PPARGC1A: variants seen among roughly 807,000 people sequenced by gnomAD.
PPARGC1A encodes the protein PPARG coactivator 1 alpha.
PPARGC1A carries 25 observed loss-of-function variants against 88.7 expected under a neutral mutation model. That is an observed-to-expected ratio of 0.28 (90% CI 0.21 to 0.39). PPARGC1A has a LOEUF of 0.39. PPARGC1A is among the 10% of genes least tolerant of loss of function. The probability of loss-of-function intolerance (pLI) is 1.00; values close to 1 mark genes in which losing one functional copy is unlikely to be tolerated. For missense variants in PPARGC1A, 880 were observed against 968.7 expected (o/e 0.91, Z 1.22); for synonymous variants, 363 against 355.6 (o/e 1.02, Z -0.24).
chr4:24,239,914 A>G, the PPARGC1A span, among the ~76,000 whole-genome samples: 1 of 151,946 alleles, frequency 6.6e-6, no homozygotes, highest in South Asian at 2.1e-4. Flanking sequence ...TGTCTCGCTT[A>G]TTCTCTCTCT....
At chr4:24,267,164 T>C in the PPARGC1A span, among the ~76,000 whole-genome samples, 2 of 152,202 alleles carry the variant, frequency 1.3e-5, no homozygotes, top group Non-Finnish European at 2.9e-5. Context: ...GCAACATTTC[T>C]CAACATTCCA....
the PPARGC1A span, among the ~76,000 whole-genome samples, chr4:23,956,804 G>A: frequency 1.3e-5 from 2 of 152,030 alleles, no homozygotes; most frequent in Admixed American, 1.3e-4. Context: ...ACCAAACCAA[G>A]CTTGCCAATT....
chr4:24,439,819 T>C, the PPARGC1A span, among the ~76,000 whole-genome samples: 46 of 152,336 alleles, frequency 3.0e-4, no homozygotes, highest in South Asian at 2.1e-4. Context: ...TCTGGGGTTC[T>C]AGGCTTGGAT....
At chr4:24,259,473 C>G in the PPARGC1A span, among the ~76,000 whole-genome samples, 1 of 152,176 alleles carries the variant, frequency 6.6e-6, no homozygotes, top group Admixed American at 6.5e-5. Flanking sequence ...TGCCACAGAA[C>G]GACATTTCAG....
the PPARGC1A span, among the ~76,000 whole-genome samples, chr4:24,021,449 G>A: frequency 1.3e-5 from 2 of 152,254 alleles, no homozygotes; most frequent in African/African-American, 4.8e-5. Context: ...TCTCAGCCAG[G>A]TACCAAGTAA....
chr4:24,124,900 GGAAAACACAA>G, the PPARGC1A span, among the ~76,000 whole-genome samples: 1 of 152,160 alleles, frequency 6.6e-6, no homozygotes, highest in South Asian at 2.1e-4. Context: ...TCAGATTTAT[GGAAAACACAA>G]GAGAGCACAA....
chr4:24,291,188 A>C, the PPARGC1A span, among the ~76,000 whole-genome samples: 1 of 152,138 alleles, frequency 6.6e-6, no homozygotes, highest in Non-Finnish European at 1.5e-5. Flanking sequence ...CACTCCTTTA[A>C]GAAGTGAGTC....
the PPARGC1A span, among the ~76,000 whole-genome samples, chr4:24,388,559 TG>T: frequency 6.6e-6 from 1 of 152,264 alleles, no homozygotes; most frequent in East Asian, 1.9e-4. Context: ...AGCAAAAACT[TG>T]GAACCAACCC....
chr4:24,111,654 C>A, the PPARGC1A span, among the ~76,000 whole-genome samples: 2 of 152,162 alleles, frequency 1.3e-5, no homozygotes, highest in Non-Finnish European at 2.9e-5. Context: ...GTAGTAACAG[C>A]CGCAATAACT....
the PPARGC1A span, among the ~76,000 whole-genome samples, chr4:24,305,640 C>G: frequency 6.6e-6 from 1 of 152,048 alleles, no homozygotes; most frequent in Non-Finnish European, 1.5e-5. Context: ...TGGAGACACC[C>G]TATCTCTACT....
At chr4:23,872,946 T>C (rs967882195) in intron 2 of PPARGC1A, among the ~76,000 whole-genome samples, 1 of 152,078 alleles carries the variant, frequency 6.6e-6, no homozygotes, top group Admixed American at 6.5e-5. Flanking sequence ...AATCCCGCAC[T>C]TCGGGAGGCC....
At chr4:23,810,729 T>C (rs976276253) in intron 10 of PPARGC1A, among the ~76,000 whole-genome samples, 1 of 152,184 alleles carries the variant, frequency 6.6e-6, no homozygotes, top group African/African-American at 2.4e-5. Flanking sequence ...TAATGTCCTA[T>C]TTTTGGGGGA....
chr4:24,254,455 G>A, the PPARGC1A span, among the ~76,000 whole-genome samples: 4 of 152,128 alleles, frequency 2.6e-5, no homozygotes, highest in East Asian at 1.9e-4. Flanking sequence ...TCAGGTTGCT[G>A]TTCAACCATT....
At chr4:23,879,325 C>T (rs1011633529) in intron 2 of PPARGC1A, among the ~76,000 whole-genome samples, 1 of 152,008 alleles carries the variant, frequency 6.6e-6, no homozygotes, top group Non-Finnish European at 1.5e-5. Context: ...TCCAAGGAGA[C>T]AAGTGAAAAA....
At chr4:23,921,732 C>T in the PPARGC1A span, among the ~76,000 whole-genome samples, 1 of 152,150 alleles carries the variant, frequency 6.6e-6, no homozygotes, top group South Asian at 2.1e-4. Flanking sequence ...GTGCATACTT[C>T]GTGGATTAGT....
chr4:23,877,235 G>A (rs1460958154), intron 2 of PPARGC1A, among the ~76,000 whole-genome samples: 1 of 151,874 alleles, frequency 6.6e-6, no homozygotes, highest in Non-Finnish European at 1.5e-5. Flanking sequence ...GTTAAAAGGA[G>A]GCCGGGTGCA....
At chr4:23,994,674 T>C in the PPARGC1A span, among the ~76,000 whole-genome samples, 4 of 151,994 alleles carry the variant, frequency 2.6e-5, no homozygotes, top group African/African-American at 2.4e-5. Context: ...GAAGGAAGGA[T>C]ACAAGAGGCA....
the PPARGC1A span, among the ~76,000 whole-genome samples, chr4:24,412,522 C>A: frequency 5.0e-4 from 76 of 152,182 alleles, no homozygotes; most frequent in African/African-American, 1.8e-3. Context: ...CTCTTGTTGC[C>A]CATGCTGGAG....
chr4:24,274,102 A>C, the PPARGC1A span, among the ~76,000 whole-genome samples: 1 of 152,012 alleles, frequency 6.6e-6, no homozygotes, highest in Admixed American at 6.6e-5. Flanking sequence ...AGTTCCATAC[A>C]TTTGGAAATG....
Sources: allele counts gnomAD v4.1 joint callset (sites outside exome capture counted in the v4.1 genomes callset), GRCh38; gene constraint gnomAD v4.1.1; transcripts MANE v1.5; gene names NCBI Gene and HGNC (gene_info 2026-07-23, HGNC 2026-07-21).